TNFRSF1B: variants seen among roughly 807,000 people sequenced by gnomAD.
TNFRSF1B encodes the protein tumor necrosis factor receptor superfamily member 1B.
Under a neutral mutation model 44.6 loss-of-function variants are expected in TNFRSF1B, and 19 were observed. The ratio of observed to expected loss-of-function variants is 0.43; its 90% CI spans 0.30 to 0.62. The LOEUF is 0.62. TNFRSF1B is among the 20% of genes least tolerant of loss of function. The pLI, the probability that TNFRSF1B is intolerant of heterozygous loss-of-function variation, is 0.16. For missense variants in TNFRSF1B, 541 were observed against 619.9 expected, an observed-to-expected ratio of 0.87 and a Z score of 1.35; for synonymous variants, 252 against 261.1, an observed-to-expected ratio of 0.97 and a Z score of 0.34.
rs1181753196 is a variant in TNFRSF1B at position 12,178,826 on chromosome 1, G to A, written c.79-9970G>A. Among the ~76,000 whole-genome samples, 1 of 152,148 alleles carries A rather than the reference G, an allele frequency of 6.6e-6. No individual in the cohort carries two copies. The highest frequency in any genetic ancestry group is 2.4e-5 in the African/African-American group (1 of 41,422). On this transcript the variant is annotated intron_variant, in intron 1 of 9. Coordinates refer to ENST00000376259, the MANE Select transcript of TNFRSF1B (RefSeq NM_001066.3). This position sits in a 1 kb window ranked among gnomAD's most constrained non-coding sequence, Gnocchi z 4.3. Reference sequence around the variant, plus strand: ...GGAGATGCTGGCAGGGGCTAAGGAGGTTGCGCAGGTGGTGGCAGCCGCTGG... The same window carrying A: ...GGAGATGCTGGCAGGGGCTAAGGAGATTGCGCAGGTGGTGGCAGCCGCTGG...
chr1:12,205,022 A>T (rs979019147), intron 9 of TNFRSF1B, among the ~76,000 whole-genome samples: 13 of 148,874 alleles, frequency 8.7e-5, no homozygotes, highest in African/African-American at 2.2e-4. Flanking sequence ...CTAAAAAAAT[A>T]AAAAAAAAAG....
At position 12,167,057 on chromosome 1, in the gene TNFRSF1B, C is replaced by T. The variant is rs1038636253; in HGVS notation, c.-35C>T. On this transcript the variant is annotated 5_prime_UTR_variant, in exon 1 of 10. Coordinates refer to ENST00000376259, the MANE Select transcript of TNFRSF1B (RefSeq NM_001066.3). ...GCTGGGCTGCGAGGGCGCGAGGGCG[C>T]GAGGGCAGGGGGCAACCGGACCCCG... 5.5e-6 allele frequency: 7 copies of T among 1,266,694 alleles called. No homozygotes were observed. Among genetic ancestry groups the T allele is most frequent in the African/African-American group, 1.6e-5 (1 of 63,940 alleles). The allele number at this position is 1,266,694 out of a possible 1,614,324, so 78.5% of individuals were successfully genotyped here. A position where few individuals can be genotyped will look rare whatever the true frequency, so the allele number is the denominator to read the frequency against.
At chr1:12,188,656 G>C in intron 1 of TNFRSF1B, 140 bp from the exon 2 acceptor site, 1 of 741,542 alleles carries the variant, frequency 1.3e-6, no homozygotes, top group Non-Finnish European at 2.2e-6. Flanking sequence ...CCTGCTCCAG[G>C]GGGAGAAACC....
At chr1:12,188,931 C>T in intron 2 of TNFRSF1B, 36 bp downstream of exon 2, 1 of 1,590,688 alleles carries the variant, frequency 6.3e-7, no homozygotes, top group Non-Finnish European at 8.6e-7. Context: ...GGGCCCATGC[C>T]CTGGAGGAGC....
At chr1:12,173,083 G>A (rs1001558796) in intron 1 of TNFRSF1B, among the ~76,000 whole-genome samples, 20 of 152,194 alleles carry the variant, frequency 1.3e-4, no homozygotes, top group African/African-American at 4.8e-4. Context: ...TGAGGAAGGA[G>A]CACTGACTTG....
chr1:12,194,639 C>T lies in TNFRSF1B; in HGVS notation c.900+21C>T, dbSNP rs369025560. ...AGGTGGTGAGTGTCTCCACTGCCCTCTCCCCCTCTTCCCCTGGTCTCCTTC... is the reference window on the plus strand; with the variant it reads ...AGGTGGTGAGTGTCTCCACTGCCCTTTCCCCCTCTTCCCCTGGTCTCCTTC... On this transcript the variant is annotated intron_variant, in intron 8 of 9. Transcript: ENST00000376259. The T allele has an allele frequency of 2.5e-6, 4 of 1,613,964 alleles. No individual in the cohort carries two copies. In the African/African-American group the frequency reaches 4.0e-5, roughly 16 times the overall value.
At chr1:12,202,400 C>T (rs1236246045) in intron 9 of TNFRSF1B, among the ~76,000 whole-genome samples, 1 of 152,228 alleles carries the variant, frequency 6.6e-6, no homozygotes, top group African/African-American at 2.4e-5. Flanking sequence ...TTGTCCAAGT[C>T]CCTGGTATCT....
At chr1:12,192,047 G>A in intron 4 of TNFRSF1B, 124 bp downstream of exon 4, 1 of 1,318,322 alleles carries the variant, frequency 7.6e-7, no homozygotes, top group East Asian at 2.5e-5. Flanking sequence ...TGGTGGCCAG[G>A]TGCCTGCTAC....
In TNFRSF1B at chr1:12,191,776, C is replaced by T. The variant is rs1228139011; in HGVS notation, c.310C>T (p.Gln104Ter). 6.2e-7 allele frequency: 1 copy of T among 1,613,498 alleles called. No individual in the cohort carries two copies. Among genetic ancestry groups the T allele is most frequent in the Non-Finnish European group, 8.5e-7 (1 of 1,179,784 alleles). The change falls in exon 4 of 10, where the codon CAG becomes TAG. Residue 104 changes from glutamine to a stop codon, truncating the protein, a stop_gained and splice_region_variant. Transcript: ENST00000376259. LOFTEE classifies it high-confidence loss of function. ...TTGCCGCCCTCTCGCTGCTCTAGAC[C>T]AGGTGGAAACTCAAGCCTGCACTCG... ...LSCGSRCSSDQVETQACTREQ... is the reference protein window; with the variant it reads ...LSCGSRCSSD
chr1:12,203,749 C>T (rs1049201564), intron 9 of TNFRSF1B, among the ~76,000 whole-genome samples: 29 of 152,054 alleles, frequency 1.9e-4, no homozygotes, highest in African/African-American at 6.5e-4. Flanking sequence ...AATGGGGTCT[C>T]GCTCGTCGCC....
intron 2 of TNFRSF1B, among the ~76,000 whole-genome samples, chr1:12,190,439 A>G (rs1639086107): frequency 1.4e-5 from 2 of 142,230 alleles, no homozygotes; most frequent in Admixed American, 1.5e-4. Flanking sequence ...AGCCTGGGCC[A>G]CAGAGTGAGA....
intron 1 of TNFRSF1B, among the ~76,000 whole-genome samples, chr1:12,175,142 G>C (rs906965790): frequency 6.6e-6 from 1 of 152,200 alleles, no homozygotes; most frequent in Non-Finnish European, 1.5e-5. Flanking sequence ...AGCTGTCAGC[G>C]GGAGGCCTTC....
At position 12,168,968 on chromosome 1, in the gene TNFRSF1B, A is replaced by G. The variant is rs1045423922; in HGVS notation, c.78+1799A>G. The stretch of plus-strand genomic sequence containing the variant: ...AACTCTTCCTCGCGCCTCCCTGCAC[A>G]TGTGCTCCCCCGCCTCTGTAGAACT... On this transcript the variant is annotated intron_variant, in intron 1 of 9. Coordinates refer to ENST00000376259, the MANE Select transcript of TNFRSF1B (RefSeq NM_001066.3). The surrounding 1 kb of genome is among the most constrained non-coding windows in gnomAD (Gnocchi z 4.7). Among the ~76,000 whole-genome samples, 3 of 151,118 alleles carry G rather than the reference A, an allele frequency of 2.0e-5. No homozygotes were observed. Among genetic ancestry groups the G allele is most frequent in the African/African-American group, 7.4e-5 (3 of 40,490 alleles).
Position 12,178,693 on chromosome 1 carries a change from C to T in TNFRSF1B, c.79-10103C>T, listed in dbSNP as rs1039569248. Among the ~76,000 whole-genome samples, 1 of 152,048 alleles carries T rather than the reference C, an allele frequency of 6.6e-6. No individual in the cohort carries two copies. Among genetic ancestry groups the T allele is most frequent in the Non-Finnish European group, 1.5e-5 (1 of 68,000 alleles). On this transcript the variant is annotated intron_variant, in intron 1 of 9. Transcript: ENST00000376259. The surrounding 1 kb of genome is among the most constrained non-coding windows in gnomAD (Gnocchi z 4.3). Reference sequence around the variant, plus strand: ...CACTGCCAGGTCGGGGGTGGCGGGTCAGGACGTTTGGGCAGAGGCAGCAGC... The same window carrying T: ...CACTGCCAGGTCGGGGGTGGCGGGTTAGGACGTTTGGGCAGAGGCAGCAGC...
At chr1:12,193,681 G>GAA (rs1639201976) in intron 6 of TNFRSF1B, among the ~76,000 whole-genome samples, 1 of 152,202 alleles carries the variant, frequency 6.6e-6, no homozygotes, top group Non-Finnish European at 1.5e-5. Flanking sequence ...GAGCCCATTA[G>GAA]GCTAAGAAGA....
At chr1:12,183,805 GCTAT>G (rs1293805495) in intron 1 of TNFRSF1B, among the ~76,000 whole-genome samples, 1 of 101,774 alleles carries the variant, frequency 9.8e-6, no homozygotes, top group Non-Finnish European at 2.2e-5. Flanking sequence ...TATCTATCTA[GCTAT>G]CTATCTATTC....
rs1189655863 is a variant in TNFRSF1B, at chr1:12,202,116, A to G, written c.1050A>G (p.Ala350=). The stretch of plus-strand genomic sequence containing the variant: ...CGCCCACTCGGAACCAGCCACAGGC[A>G]CCAGGCGTGGAGGCCAGTGGGGCCG... ...RRAPTRNQPQ[A]PGVEASGAGE... The change falls in exon 9 of 10, where the codon GCA becomes GCG. Residue 350 remains alanine, a synonymous_variant. Transcript: ENST00000376259. 3.8e-6 allele frequency: 6 copies of G among 1,569,484 alleles called. No homozygotes were observed. The South Asian group carries it at 5.8e-5, about 15-fold the overall frequency.
intron 1 of TNFRSF1B, among the ~76,000 whole-genome samples, chr1:12,183,698 A>AGCTATCTAT (rs1557628868): frequency 9.5e-6 from 1 of 105,760 alleles, no homozygotes; most frequent in African/African-American, 3.0e-5. Flanking sequence ...CTATCTATCT[A>AGCTATCTAT]TCTATCTATC....
chr1:12,175,985 C>A (rs985960298), intron 1 of TNFRSF1B, among the ~76,000 whole-genome samples: 1 of 151,176 alleles, frequency 6.6e-6, no homozygotes, highest in East Asian at 1.9e-4. Context: ...GAGGCCAAGG[C>A]GGGCGGATCA....
Sources: gnomAD v4.1 joint callset for allele counts (sites outside exome capture counted in the v4.1 genomes callset) on GRCh38, gnomAD v4.1.1 for gene constraint, Gnocchi (gnomAD v3.1) non-coding constraint, MANE v1.5 for transcripts, NCBI Gene and HGNC (gene_info 2026-07-23, HGNC 2026-07-21) for gene names.